SH3BP4: variants seen among roughly 807,000 people sequenced by gnomAD.
SH3BP4 encodes the protein SH3 domain-binding protein 4.
SH3BP4 carries 33 observed loss-of-function variants against 65.5 expected under a neutral mutation model. That is an observed-to-expected ratio of 0.50 (90% CI 0.38 to 0.67). SH3BP4 has a LOEUF of 0.67. Ranked by LOEUF, SH3BP4 falls within the 30% of genes least tolerant of loss-of-function variation. The pLI is 0.00. For synonymous variants in SH3BP4, 552 were observed against 545.5 expected (o/e 1.01, Z -0.17); for missense variants, 1,134 against 1,261.4 (o/e 0.90, Z 1.53).
intron 2 of SH3BP4, chr2:235,008,475 C>T (rs563831661): frequency 8.5e-5 from 13 of 152,358 alleles, no homozygotes; most frequent in African/African-American, 2.4e-4. Context: ...CCTCTTGTAC[C>T]GCTTCTCCTT....
At chr2:234,963,470 T>C (rs1209654644) in intron 1 of SH3BP4, among the ~76,000 whole-genome samples, 1 of 152,228 alleles carries the variant, frequency 6.6e-6, no homozygotes, top group Non-Finnish European at 1.5e-5. Flanking sequence ...CTTGTTCCCA[T>C]CCTTTTTGGG....
intron 2 of SH3BP4, among the ~76,000 whole-genome samples, chr2:235,027,585 C>A (rs918552226): frequency 1.3e-5 from 2 of 152,146 alleles, no homozygotes; most frequent in African/African-American, 4.8e-5. Context: ...TTTTTGTTTT[C>A]TAACCCGGAG....
At position 234,967,398 on chromosome 2, in the gene SH3BP4, C is replaced by T. The variant is rs535253926; in HGVS notation, c.-207+15228C>T. 3.3e-5 allele frequency among the ~76,000 whole-genome samples: 5 copies of T among 152,142 alleles called. No homozygotes were observed. Among genetic ancestry groups the T allele is most frequent in the African/African-American group, 1.2e-4 (5 of 41,508 alleles). On this transcript the variant is annotated intron_variant, in intron 1 of 5. Coordinates refer to ENST00000392011, the MANE Select transcript of SH3BP4 (RefSeq NM_014521.3). The surrounding 1 kb of genome is among the most constrained non-coding windows in gnomAD (Gnocchi z 4.6). ...AGTTCAGACCTACAGCAGGAGCACT[C>T]CTTGGAGGATGAGGGGAAGGCCCTA... is the stretch of plus-strand genomic sequence containing the variant.
At chr2:235,006,352 G>C (rs1014203197) in intron 2 of SH3BP4, among the ~76,000 whole-genome samples, 1 of 152,172 alleles carries the variant, frequency 6.6e-6, no homozygotes, top group African/African-American at 2.4e-5. Flanking sequence ...CGCATCATGG[G>C]TTTGGTCAAG....
At chr2:234,953,399 C>A (rs138538030) in intron 1 of SH3BP4, among the ~76,000 whole-genome samples, 1 of 152,128 alleles carries the variant, frequency 6.6e-6, no homozygotes, top group Non-Finnish European at 1.5e-5. Flanking sequence ...CCCTTGTGAC[C>A]GTCTCTGAGC....
At chr2:235,038,318 AT>A (rs1452954921) in intron 3 of SH3BP4, among the ~76,000 whole-genome samples, 1,878 of 15,996 alleles carry the variant, frequency 0.12, 253 homozygotes, top group African/African-American at 0.4. Flanking sequence ...TATATTATAT[AT>A]TATATATATA....
chr2:235,016,952 A>T (rs1178875972), intron 2 of SH3BP4, among the ~76,000 whole-genome samples: 1 of 151,722 alleles, frequency 6.6e-6, no homozygotes, highest in African/African-American at 2.4e-5. Context: ...AAACACGTTG[A>T]CTTCAGAAGA....
chr2:234,992,743 A>C (rs1446996768), intron 1 of SH3BP4, among the ~76,000 whole-genome samples: 1 of 115,466 alleles, frequency 8.7e-6, no homozygotes, highest in Non-Finnish European at 1.9e-5. Flanking sequence ...AGATGGATGC[A>C]TTCCTGCCAT....
chr2:235,039,754 C>T (rs1420344772), intron 3 of SH3BP4, among the ~76,000 whole-genome samples: 2 of 152,190 alleles, frequency 1.3e-5, no homozygotes, highest in Non-Finnish European at 2.9e-5. Context: ...TTGCCGTCTA[C>T]ATTGGTAACA....
In SH3BP4 at chr2:234,974,373, A is replaced by C. The variant is rs1365031830; in HGVS notation, c.-206-20930A>C. Among the ~76,000 whole-genome samples, 1 of 138,110 alleles carries C rather than the reference A, an allele frequency of 7.2e-6. No individual in the cohort carries two copies. Among genetic ancestry groups the C allele is most frequent in the Non-Finnish European group, 1.6e-5 (1 of 61,280 alleles). 90.6% of individuals were successfully genotyped at this position (138,110 alleles called of 152,430 possible). On this transcript the variant is annotated intron_variant, in intron 1 of 5. Transcript: ENST00000392011. The surrounding 1 kb of genome is among the most constrained non-coding windows in gnomAD (Gnocchi z 4.6). ...AGCGAAACTCTGTCTAAAAAAAAAT[A>C]AATAAATAAAAGAGAAAGAGAGATT...
rs1693757474 is a variant in SH3BP4, at chr2:234,991,850, G to C, written c.-206-3453G>C. Among the ~76,000 whole-genome samples, 1 of 152,180 alleles carries C rather than the reference G, an allele frequency of 6.6e-6. No homozygotes were observed. The highest frequency in any genetic ancestry group is 2.4e-5 in the African/African-American group (1 of 41,444). On this transcript the variant is annotated intron_variant, in intron 1 of 5. Transcript: ENST00000392011. The surrounding 1 kb of genome is among the most constrained non-coding windows in gnomAD (Gnocchi z 4.2). ...CCTCCCTCCACTCCAGCACTGAGGG[G>C]CTAGTGGTGCCACATGTGCACCTGT...
At chr2:235,017,094 A>G (rs1395529212) in intron 2 of SH3BP4, among the ~76,000 whole-genome samples, 2 of 132,206 alleles carry the variant, frequency 1.5e-5, no homozygotes, top group East Asian at 2.3e-4. Flanking sequence ...TCATGTACCC[A>G]AAGAAAATTG....
Position 234,967,140 on chromosome 2 carries a change from C to T in SH3BP4, c.-207+14970C>T, listed in dbSNP as rs191352141. Among the ~76,000 whole-genome samples, 57 of 152,252 alleles carry T rather than the reference C, an allele frequency of 3.7e-4. No homozygotes were observed. The East Asian group carries it at 8.7e-3, about 23-fold the overall frequency. On this transcript the variant is annotated intron_variant, in intron 1 of 5. Transcript: ENST00000392011. The surrounding 1 kb of genome is among the most constrained non-coding windows in gnomAD (Gnocchi z 4.6). ...ACTGAGGAACCATGGGGTTTAGGGA[C>T]TTGTGTGAGCTGGGAAGTGCAGAAG...
intron 1 of SH3BP4, among the ~76,000 whole-genome samples, chr2:234,975,008 G>A (rs951609132): frequency 6.6e-6 from 1 of 152,182 alleles, no homozygotes; most frequent in African/African-American, 2.4e-5. Context: ...GGCCAAGCTC[G>A]GGCGGCAGGC....
At chr2:235,003,458 T>C (rs1420449546) in intron 2 of SH3BP4, among the ~76,000 whole-genome samples, 1 of 152,130 alleles carries the variant, frequency 6.6e-6, no homozygotes, top group Non-Finnish European at 1.5e-5. Context: ...AGAATGAGGG[T>C]CATTCGAAGG....
chr2:235,053,874 C>T lies in SH3BP4; in HGVS notation c.*58C>T. The T allele has an allele frequency of 1.5e-6, 2 of 1,345,160 alleles. No individual in the cohort carries two copies. Among genetic ancestry groups the T allele is most frequent in the Non-Finnish European group, 1.1e-6 (1 of 939,226 alleles). 83.3% of individuals were successfully genotyped at this position (1,345,160 alleles called of 1,614,324 possible). A position where few individuals can be genotyped will look rare whatever the true frequency, so the allele number is the denominator to read the frequency against. On this transcript the variant is annotated 3_prime_UTR_variant, in exon 6 of 6. Transcript: ENST00000392011. ...GCAAGCCCTCTTCTGCCCTGCGTGC[C>T]CTGCTGTCACCGCGGAGCTGAAGAG...
In SH3BP4 at chr2:235,052,572, A is replaced by G; in HGVS notation, c.2489A>G (p.Lys830Arg). The G allele has an allele frequency of 6.5e-7, 1 of 1,549,090 alleles. No homozygotes were observed. The highest frequency in any genetic ancestry group is 8.7e-7 in the Non-Finnish European group (1 of 1,145,572). ...CCTCTTCCTCTGCAGGCCCTACTGAAGATGGACTGCCAGGGCCTGGTGGTC... is the reference window on the plus strand; with the variant it reads ...CCTCTTCCTCTGCAGGCCCTACTGAGGATGGACTGCCAGGGCCTGGTGGTC... ...FQKELVMALL[K>R]MDCQGLVVRL... The change falls in exon 5 of 6, where the codon AAG becomes AGG. Residue 830 changes from lysine to arginine, a missense_variant. By Grantham distance (26) the Lys-to-Arg change is conservative. Transcript: ENST00000392011. The surrounding 1 kb of genome is among the most constrained non-coding windows in gnomAD (Gnocchi z 5.0).
In SH3BP4 at chr2:235,041,116, A is replaced by G; in HGVS notation, c.347A>G (p.Asn116Ser). 1.2e-6 allele frequency: 2 copies of G among 1,614,114 alleles called. No individual in the cohort carries two copies. Among genetic ancestry groups the G allele is most frequent in the South Asian group, 1.1e-5 (1 of 91,066 alleles). Residue 116 changes from asparagine (N) to serine (S), a missense_variant, in exon 4 of 6, where the codon AAC (asparagine) becomes AGC (serine). Coordinates refer to ENST00000392011, the MANE Select transcript of SH3BP4 (RefSeq NM_014521.3). This position sits in a 1 kb window ranked among gnomAD's most constrained non-coding sequence, Gnocchi z 6.0. ...TATGTGCAGCCCTTGAACTACCGGA[A>G]CTCAACACTGAGTGACAGCGGTATG... Reference protein sequence around the residue: ...SSYVQPLNYRNSTLSDSGMID... With the variant: ...SSYVQPLNYRSSTLSDSGMID...
At chr2:235,031,531 AG>A (rs1237689261) in intron 2 of SH3BP4, among the ~76,000 whole-genome samples, 8 of 152,192 alleles carry the variant, frequency 5.3e-5, no homozygotes, top group Non-Finnish European at 8.8e-5. Context: ...GTGGCTTCCC[AG>A]GGTCTCCTGG....
Sources: gnomAD v4.1 joint callset for allele counts (sites outside exome capture counted in the v4.1 genomes callset) on GRCh38, gnomAD v4.1.1 for gene constraint, Gnocchi (gnomAD v3.1) non-coding constraint, MANE v1.5 for transcripts, NCBI Gene and HGNC (gene_info 2026-07-23, HGNC 2026-07-21) for gene names.